Variants in SLC7A2 observed in about 807,000 individuals in gnomAD.
The protein encoded by SLC7A2 is cationic amino acid transporter 2.
Under a neutral mutation model 58.9 loss-of-function variants are expected in SLC7A2, and 48 were observed. The observed-to-expected ratio is 0.82, with a 90% CI of 0.65 to 1.04. SLC7A2 has a LOEUF of 1.04. Ranked by LOEUF, SLC7A2 falls within the 50% of genes least tolerant of loss-of-function variation. The pLI is 0.00. For synonymous variants in SLC7A2, 363 were observed against 314.5 expected (o/e 1.15, Z -1.63); for missense variants, 1,029 against 818.8 (o/e 1.26, Z -3.13).
intron 2 of SLC7A2, among the ~76,000 whole-genome samples, chr8:17,517,443 C>A (rs943680778): frequency 6.6e-6 from 1 of 152,130 alleles, no homozygotes; most frequent in Admixed American, 6.6e-5. Flanking sequence ...AAAATGCACA[C>A]AAGTGTACTA....
At chr8:17,534,918 C>G (rs981434091) in intron 2 of SLC7A2, among the ~76,000 whole-genome samples, 8 of 152,128 alleles carry the variant, frequency 5.3e-5, no homozygotes, top group Non-Finnish European at 1.2e-4. Context: ...GGTGGAGAAG[C>G]TAAGCTCTGT....
At chr8:17,529,320 C>T (rs966446792) in intron 2 of SLC7A2, among the ~76,000 whole-genome samples, 1 of 151,966 alleles carries the variant, frequency 6.6e-6, no homozygotes, top group African/African-American at 2.4e-5. Flanking sequence ...TTGACTTGTT[C>T]TATCAAGCTC....
intron 2 of SLC7A2, among the ~76,000 whole-genome samples, chr8:17,533,001 A>G (rs1801520800): frequency 6.6e-6 from 1 of 152,162 alleles, no homozygotes; most frequent in Non-Finnish European, 1.5e-5. Flanking sequence ...AAGGACCTTC[A>G]ATTTTAAGGA....
In SLC7A2 at chr8:17,554,671, T is replaced by G; in HGVS notation, c.1167T>G (p.Ile389Met). Residue 389 changes from isoleucine (I) to methionine (M), a missense_variant, in exon 8 of 13, where the codon ATT becomes ATG. Coordinates refer to ENST00000494857, the MANE Select transcript of SLC7A2 (RefSeq NM_001370338.1). Reference sequence around the variant, plus strand: ...ATTCCAAAACGAAGACACCAATAATTGCTACTTTATCATCGGGTGCAGTGG... The same window carrying G: ...ATTCCAAAACGAAGACACCAATAATGGCTACTTTATCATCGGGTGCAGTGG... The part of the protein sequence containing the change: ...QINSKTKTPI[I>M]ATLSSGAVAA... 2.5e-6 allele frequency: 4 copies of G among 1,612,220 alleles called. No individual in the cohort carries two copies. The highest frequency in any genetic ancestry group is 3.4e-6 in the Non-Finnish European group (4 of 1,179,600).
chr8:17,554,034 A>T (rs1205370533), intron 7 of SLC7A2, among the ~76,000 whole-genome samples: 4 of 152,090 alleles, frequency 2.6e-5, no homozygotes, highest in Admixed American at 6.6e-5. Context: ...GATGCTGGGG[A>T]TTATTACTAA....
upstream of SLC7A2, among the ~76,000 whole-genome samples, chr8:17,496,847 G>T (rs1015681106): frequency 1.3e-5 from 2 of 151,970 alleles, no homozygotes; most frequent in Non-Finnish European, 2.9e-5. Context: ...TCTCTTCCCC[G>T]GCCCGCGCCC....
intron 1 of SLC7A2, among the ~76,000 whole-genome samples, chr8:17,499,654 A>G (rs886910469): frequency 5.3e-5 from 8 of 151,722 alleles, no homozygotes; most frequent in Non-Finnish European, 8.8e-5. Flanking sequence ...AAATACTCAC[A>G]TATTTAGTTT....
In SLC7A2 at chr8:17,548,861, T is replaced by G; in HGVS notation, c.698+18T>G. ...AGTGCCAGGTAAAATATTTGAGGTT[T>G]TTTTTTTTCTCCTTCTTGTTTAAGA... On this transcript the variant is annotated intron_variant, in intron 5 of 12. Coordinates refer to ENST00000494857, the MANE Select transcript of SLC7A2 (RefSeq NM_001370338.1). 1 of 1,579,374 alleles carries G rather than the reference T, an allele frequency of 6.3e-7. No individual in the cohort carries two copies. Among genetic ancestry groups the G allele is most frequent in the Non-Finnish European group, 8.6e-7 (1 of 1,165,662 alleles).
At position 17,560,464 on chromosome 8, in the gene SLC7A2, C is replaced by T. The variant is rs754501359; in HGVS notation, c.1435C>T (p.Leu479Phe). ...LQRQGFSMRT[L>F]FCPSLLPTQQ... ...GAGACAGGGCTTCAGCATGCGGACCCTCTTCTGCCCCTCCCTTCTGCCAAC... is the reference window on the plus strand; with the variant it reads ...GAGACAGGGCTTCAGCATGCGGACCTTCTTCTGCCCCTCCCTTCTGCCAAC... Residue 479 changes from leucine (L) to phenylalanine (F), a missense_variant, in exon 10 of 13, where the codon CTC (leucine) becomes TTC (phenylalanine). Leu to Phe is a conservative substitution (Grantham distance 22, BLOSUM62 0). Coordinates refer to ENST00000494857, the MANE Select transcript of SLC7A2 (RefSeq NM_001370338.1). The T allele has an allele frequency of 1.9e-6, 3 of 1,614,006 alleles. No individual in the cohort carries two copies. Among genetic ancestry groups the T allele is most frequent in the East Asian group, 2.2e-5 (1 of 44,872 alleles).
At chr8:17,524,421 T>TGTAC (rs1382653999) in intron 2 of SLC7A2, among the ~76,000 whole-genome samples, 1 of 135,096 alleles carries the variant, frequency 7.4e-6, no homozygotes, top group Non-Finnish European at 1.6e-5. Flanking sequence ...TGTGTGTGTG[T>TGTAC]ACACACACAC....
Position 17,561,982 on chromosome 8 carries a change from G to A in SLC7A2, c.1543G>A (p.Gly515Arg), listed in dbSNP as rs371137426. Residue 515 changes from glycine (G) to arginine (R), a missense_variant, in exon 11 of 13, where the codon GGA (glycine) becomes AGA (arginine). By Grantham distance (125) the Gly-to-Arg change is moderately radical. Coordinates refer to ENST00000494857, the MANE Select transcript of SLC7A2 (RefSeq NM_001370338.1). ...VLGLSVLTTY[G>R]VHAITRLEAW... ...GGGCCTGAGTGTCTTGACCACTTAC[G>A]GAGTTCATGCCATCACCAGGCTGGA... 236 of 1,613,922 alleles carry A rather than the reference G, an allele frequency of 1.5e-4. 2 individuals carry two copies. The highest frequency in any genetic ancestry group is 5.8e-4 in the East Asian group (26 of 44,880).
chr8:17,509,949 G>C (rs914930827), intron 2 of SLC7A2, among the ~76,000 whole-genome samples: 3 of 152,114 alleles, frequency 2.0e-5, no homozygotes, highest in Non-Finnish European at 4.4e-5. Flanking sequence ...GCCCGGTACA[G>C]TGGCTCACGC....
intron 2 of SLC7A2, among the ~76,000 whole-genome samples, chr8:17,503,450 C>T (rs1221026806): frequency 1.3e-5 from 2 of 152,168 alleles, no homozygotes; most frequent in African/African-American, 2.4e-5. Context: ...TATTCACTCC[C>T]GCGGTGTTCC....
intron 8 of SLC7A2, among the ~76,000 whole-genome samples, chr8:17,557,331 T>C (rs1010461158): frequency 1.3e-5 from 2 of 152,156 alleles, no homozygotes; most frequent in African/African-American, 2.4e-5. Flanking sequence ...AACAGTTGCT[T>C]AGTGGAAGTT....
intron 8 of SLC7A2, among the ~76,000 whole-genome samples, chr8:17,556,345 C>T (rs188795579): frequency 5.9e-4 from 89 of 151,740 alleles, no homozygotes; most frequent in African/African-American, 2.1e-3. Flanking sequence ...TTATCTTTCT[C>T]TATTCAGGAA....
intron 7 of SLC7A2, among the ~76,000 whole-genome samples, chr8:17,552,410 C>G (rs1802497731): frequency 6.6e-6 from 1 of 152,244 alleles, no homozygotes; most frequent in Admixed American, 6.5e-5. Flanking sequence ...ATTTGCCACA[C>G]TCTGTTCAAG....
intron 2 of SLC7A2, among the ~76,000 whole-genome samples, chr8:17,509,233 G>C (rs1011933322): frequency 6.6e-6 from 1 of 152,176 alleles, no homozygotes; most frequent in African/African-American, 2.4e-5. Context: ...TTGTATCCAT[G>C]AATCAGAATT....
At chr8:17,511,139 T>A (rs1334761600) in intron 2 of SLC7A2, 1 of 152,024 alleles carries the variant, frequency 6.6e-6, no homozygotes, top group Non-Finnish European at 1.5e-5. Context: ...TTAGCACAAA[T>A]AGCTAATGCA....
chr8:17,543,840 A>G (rs1279326507), intron 3 of SLC7A2, 125 bp downstream of exon 3: 3 of 809,458 alleles, frequency 3.7e-6, no homozygotes, highest in South Asian at 2.8e-5. Context: ...CATTTTTGTC[A>G]TCTCGAAAAT....
Sources: allele counts gnomAD v4.1 joint callset (sites outside exome capture counted in the v4.1 genomes callset), GRCh38; gene constraint gnomAD v4.1.1; transcripts MANE v1.5; gene names NCBI Gene and HGNC (gene_info 2026-07-23, HGNC 2026-07-21).